The following ARL15 variants were observed in gnomAD, a reference collection of about 807,000 sequenced individuals.
ARL15 encodes the protein ARF like GTPase 15.
In ARL15, 19 loss-of-function variants were observed where a neutral mutation model predicts 25.2. The ratio of observed to expected loss-of-function variants is 0.75; its 90% confidence interval spans 0.53 to 1.10. The LOEUF (loss-of-function observed/expected upper bound fraction) is 1.10, where lower values mean the gene tolerates loss of function less well. Ranked by LOEUF, ARL15 falls within the 50% of genes least tolerant of loss-of-function variation. ARL15 has a pLI of 0.00. For synonymous variants in ARL15, 94 were observed against 86.8 expected (o/e 1.08, Z -0.46); for missense variants, 220 against 246.0 (o/e 0.89, Z 0.71).
chr5:54,040,304 C>T (rs1229395836), intron 4 of ARL15, among the ~76,000 whole-genome samples: 1 of 152,112 alleles, frequency 6.6e-6, no homozygotes, highest in Non-Finnish European at 1.5e-5. Flanking sequence ...AAAGCTCATA[C>T]TTAAACAGGT....
chr5:54,297,673 A>G (rs1758501248), intron 1 of ARL15, among the ~76,000 whole-genome samples: 1 of 151,852 alleles, frequency 6.6e-6, no homozygotes, highest in Admixed American at 6.6e-5. Flanking sequence ...TTCAATTCAC[A>G]CCCCTATTGT....
chr5:53,960,773 C>T (rs553503142), intron 4 of ARL15, among the ~76,000 whole-genome samples: 6 of 152,312 alleles, frequency 3.9e-5, no homozygotes, highest in African/African-American at 1.4e-4. Flanking sequence ...GGGGCTTGAC[C>T]TCAGGTCTCC....
chr5:54,042,244 C>T (rs568810155), intron 4 of ARL15, among the ~76,000 whole-genome samples: 28 of 152,344 alleles, frequency 1.8e-4, no homozygotes, highest in Middle Eastern at 3.4e-3. Context: ...GCTGGGATTA[C>T]AGGCGTGAGC....
At chr5:54,109,531 T>G (rs1752682002) in intron 4 of ARL15, among the ~76,000 whole-genome samples, 1 of 151,922 alleles carries the variant, frequency 6.6e-6, no homozygotes, top group African/African-American at 2.4e-5. Context: ...AAAATAGGAT[T>G]ACATTTATTG....
intron 4 of ARL15, among the ~76,000 whole-genome samples, chr5:53,889,476 G>A (rs549845340): frequency 5.8e-4 from 89 of 152,284 alleles, no homozygotes; most frequent in African/African-American, 2.1e-3. Context: ...AGAAGTGGAG[G>A]TTACAGGGAC....
rs910769135 is a variant in ARL15 at position 53,915,539 on chromosome 5, C to A, written c.463-28826G>T. ...AAAGAAGCTTTAAAACTATAGTTCT[C>A]AAGTCTAGCATTGAACAGTTTGGAC... On this transcript the variant is annotated intron_variant, in intron 4 of 4. Transcript: ENST00000504924. 4.6e-5 allele frequency among the ~76,000 whole-genome samples: 7 copies of A among 152,232 alleles called. No homozygotes were observed. The South Asian group carries it at 8.3e-4, about 18-fold the overall frequency.
chr5:54,272,098 C>T (rs544329203), intron 1 of ARL15, among the ~76,000 whole-genome samples: 1 of 142,218 alleles, frequency 7.0e-6, no homozygotes, highest in Non-Finnish European at 1.5e-5. Flanking sequence ...TGTGTGCCAC[C>T]ACTCCTGGCT....
chr5:54,190,521 G>C (rs1189749582), intron 1 of ARL15, among the ~76,000 whole-genome samples: 1 of 152,160 alleles, frequency 6.6e-6, no homozygotes, highest in African/African-American at 2.4e-5. Context: ...CTGGAGGCTG[G>C]AAAGTCCAGG....
chr5:54,173,093 G>A (rs1469915964), intron 1 of ARL15, among the ~76,000 whole-genome samples: 1 of 151,462 alleles, frequency 6.6e-6, no homozygotes, highest in Non-Finnish European at 1.5e-5. Context: ...TGAGGCAGGA[G>A]AATCACTTGA....
intron 4 of ARL15, among the ~76,000 whole-genome samples, chr5:54,007,875 C>T (rs975659605): frequency 1.3e-5 from 2 of 152,178 alleles, no homozygotes; most frequent in African/African-American, 4.8e-5. Flanking sequence ...TGTCTGCCTT[C>T]ACCATTTGAA....
chr5:54,161,769 T>C (rs1719757257), intron 2 of ARL15, among the ~76,000 whole-genome samples: 1 of 152,080 alleles, frequency 6.6e-6, no homozygotes, highest in South Asian at 2.1e-4. Flanking sequence ...AGATTTCCAA[T>C]GGTTTTAAAT....
chr5:54,062,805 C>T lies in ARL15; in HGVS notation c.462+50397G>A, dbSNP rs147322942. ...GGTTAACAGAAAACATGAGCTGAGC[C>T]CAGGAATGAAAAAATGGGGAATGGC... On this transcript the variant is annotated intron_variant, in intron 4 of 4. Coordinates refer to ENST00000504924, the MANE Select transcript of ARL15 (RefSeq NM_019087.3). Among the ~76,000 whole-genome samples the T allele has an allele frequency of 4.0e-3, 609 of 151,996 alleles. 1 individual carries two copies. Among genetic ancestry groups the T allele is most frequent in the Non-Finnish European group, 6.5e-3 (442 of 67,988 alleles).
intron 1 of ARL15, among the ~76,000 whole-genome samples, chr5:54,270,873 C>A (rs879940628): frequency 6.6e-6 from 1 of 152,166 alleles, no homozygotes; most frequent in Non-Finnish European, 1.5e-5. Context: ...TGAGTCTGAG[C>A]GGACTAGGTG....
At chr5:54,271,516 A>G (rs1757782931) in intron 1 of ARL15, among the ~76,000 whole-genome samples, 1 of 152,238 alleles carries the variant, frequency 6.6e-6, no homozygotes, top group African/African-American at 2.4e-5. Flanking sequence ...AAGGAAAAAT[A>G]TCTATACATG....
chr5:54,129,022 A>C (rs1001482202), intron 3 of ARL15, among the ~76,000 whole-genome samples: 1 of 152,088 alleles, frequency 6.6e-6, no homozygotes, highest in African/African-American at 2.4e-5. Flanking sequence ...TTGATTCTTA[A>C]ATAAAAACTG....
chr5:54,125,085 G>GTTTTTTTTTT (rs70986660), intron 3 of ARL15, among the ~76,000 whole-genome samples: 4 of 136,452 alleles, frequency 2.9e-5, no homozygotes, highest in Non-Finnish European at 3.2e-5. Context: ...GTTTTGTTTT[G>GTTTTTTTTTT]TTTTTTTTTT....
intron 3 of ARL15, among the ~76,000 whole-genome samples, chr5:54,130,226 A>G (rs548987966): frequency 6.6e-6 from 1 of 152,256 alleles, no homozygotes; most frequent in South Asian, 2.1e-4. Context: ...TCAAAACAAA[A>G]CAAACAAACA....
intron 4 of ARL15, among the ~76,000 whole-genome samples, chr5:53,915,915 C>T (rs986109524): frequency 1.3e-5 from 2 of 152,224 alleles, no homozygotes; most frequent in East Asian, 3.9e-4. Context: ...GGCTTCTATT[C>T]CAAGATAGAA....
intron 2 of ARL15, among the ~76,000 whole-genome samples, chr5:54,171,149 C>G (rs1754706450): frequency 6.6e-6 from 1 of 152,160 alleles, no homozygotes; most frequent in African/African-American, 2.4e-5. Context: ...GCTGTGGGGG[C>G]TGCCCTGTAC....
Sources: allele counts gnomAD v4.1 joint callset (sites outside exome capture counted in the v4.1 genomes callset), GRCh38; gene constraint gnomAD v4.1.1; transcripts MANE v1.5; gene names NCBI Gene and HGNC (gene_info 2026-07-23, HGNC 2026-07-21).